ABHD14B: variants seen among roughly 807,000 people sequenced by gnomAD.
The protein encoded by ABHD14B is putative protein-lysine deacylase ABHD14B.
A neutral mutation model predicts 15.4 loss-of-function variants in ABHD14B; 19 were observed. The observed-to-expected ratio is 1.23, with a 90% confidence interval of 0.86 to 1.81. ABHD14B has a LOEUF of 1.81. ABHD14B is among the 40% of genes most tolerant of loss of function. ABHD14B has a pLI of 0.00. For synonymous variants in ABHD14B, 92 were observed against 117.3 expected, an observed-to-expected ratio of 0.78 and a Z score of 1.39; for missense variants, 243 against 267.0, an observed-to-expected ratio of 0.91 and a Z score of 0.63.
In ABHD14B at chr3:51,969,546, G is replaced by C. The variant is rs2106795834; in HGVS notation, c.513C>G (p.His171Gln). The C allele has an allele frequency of 6.2e-7, 1 of 1,613,870 alleles. No homozygotes were observed. Among genetic ancestry groups the C allele is most frequent in the East Asian group, 2.2e-5 (1 of 44,878 alleles). The change falls in exon 4 of 4, where the codon CAC becomes CAG. Residue 171 changes from histidine to glutamine, a missense_variant. Physicochemically the swap from His to Gln is conservative, Grantham distance 24. Coordinates refer to ENST00000361143, the MANE Select transcript of ABHD14B (RefSeq NM_001146314.2). ...QDPMGQTSFE[H>Q]LKQLPNHRVL... ...CCCGGTGGTTGGGCAGCTGCTTCAG[G>C]TGCTCAAAGCTGGTCTGACCCATGG...
At chr3:51,969,905 T>G in intron 3 of ABHD14B, 38 bp downstream of exon 3, 1 of 1,614,138 alleles carries the variant, frequency 6.2e-7, no homozygotes, top group Non-Finnish European at 8.5e-7. Context: ...CCTTCCTTGC[T>G]CCTGGCAGGG....
chr3:51,971,402 G>A lies in ABHD14B; in HGVS notation c.211+58C>T, dbSNP rs1700650696. On this transcript the variant is annotated intron_variant, in intron 2 of 3. Transcript: ENST00000361143. ...GAGGGGCTACATGTTATAGGAACCTGGCCCTGTCCCTAATGAGACCTCCCC... is the reference window on the plus strand; with the variant it reads ...GAGGGGCTACATGTTATAGGAACCTAGCCCTGTCCCTAATGAGACCTCCCC... 5 of 1,461,512 alleles carry A rather than the reference G, an allele frequency of 3.4e-6. No homozygotes were observed. In the South Asian group the frequency reaches 7.2e-5, roughly 21 times the overall value. 90.5% of individuals were successfully genotyped at this position (1,461,512 alleles called of 1,614,324 possible). A position where few individuals can be genotyped will look rare whatever the true frequency, so the allele number is the denominator to read the frequency against.
intron 2 of ABHD14B, 128 bp downstream of exon 2, chr3:51,971,332 C>G (rs1700648968): frequency 8.8e-7 from 1 of 1,140,944 alleles, no homozygotes; most frequent in Non-Finnish European, 1.2e-6. Context: ...AGGGCCCAGC[C>G]TGGCTGGGTC....
upstream of ABHD14B, chr3:51,974,100 C>T (rs978886316): frequency 3.2e-6 from 4 of 1,237,196 alleles, no homozygotes; most frequent in East Asian, 5.7e-5. Flanking sequence ...CCGGGGCGCC[C>T]TCTTGTGGCC....
In ABHD14B at chr3:51,969,181, T is replaced by G; in HGVS notation, c.*245A>C. ...GAACAGGAGAAGCTCATGTAATGGA[T>G]TACCCTCCACAGGATTATGTTCCTT... On this transcript the variant is annotated 3_prime_UTR_variant, in exon 4 of 4. Transcript: ENST00000361143. 2.5e-6 allele frequency: 1 copy of G among 404,472 alleles called. No individual in the cohort carries two copies. The allele number at this position is 404,472 out of a possible 1,614,324, so 25.1% of individuals were successfully genotyped here.
chr3:51,969,684 C>T, intron 3 of ABHD14B, 79 bp from the exon 4 acceptor site: 1 of 1,522,294 alleles, frequency 6.6e-7, no homozygotes, highest in East Asian at 2.3e-5. Flanking sequence ...ACTTCAGTCT[C>T]TTCCTGGGAC....
intron 1 of ABHD14B, 80 bp from the exon 2 acceptor site, chr3:51,971,778 C>G (rs1354593693): frequency 6.7e-7 from 1 of 1,487,250 alleles, no homozygotes; most frequent in South Asian, 1.3e-5. Context: ...AGCAAGGAAG[C>G]CTCCAGGAGG....
Position 51,971,606 on chromosome 3 carries a change from C to A in ABHD14B, c.65G>T (p.Arg22Leu). ...IQVQGQALFF[R>L]EALPGSGQAR... ...CTGCCCACTGCCGGGCAGGGCCTCT[C>A]GGAAGAAGAGGGCCTGGCCCTGCAC... Residue 22 changes from arginine (R) to leucine (L), a missense_variant, in exon 2 of 4, where the codon CGA (arginine) becomes CTA (leucine). Physicochemically the swap from Arg to Leu is moderately radical, Grantham distance 102. Coordinates refer to ENST00000361143, the MANE Select transcript of ABHD14B (RefSeq NM_001146314.2). The A allele has an allele frequency of 1.2e-6, 2 of 1,613,390 alleles. No homozygotes were observed. Among genetic ancestry groups the A allele is most frequent in the Non-Finnish European group, 1.7e-6 (2 of 1,179,924 alleles).
chr3:51,970,899 G>C, intron 2 of ABHD14B: 1 of 452,894 alleles, frequency 2.2e-6, no homozygotes, highest in Non-Finnish European at 4.4e-6. Flanking sequence ...GGCAGTCTGG[G>C]CACTGATCCC....
rs1224387314 is a variant in ABHD14B at position 51,974,004 on chromosome 3, G to C, written c.-68C>G. On this transcript the variant is annotated 5_prime_UTR_variant, in exon 1 of 4. Transcript: ENST00000361143. ...GGACTCGCGCAGACGGGAAGCAGGC[G>C]CGTGCTGGCGGTGACCTGGGGCCGG... 7.8e-7 allele frequency: 1 copy of C among 1,289,122 alleles called. No individual in the cohort carries two copies. Among genetic ancestry groups the C allele is most frequent in the East Asian group, 5.5e-5 (1 of 18,020 alleles). The allele number at this position is 1,289,122 out of a possible 1,614,324, so 79.9% of individuals were successfully genotyped here. A position where few individuals can be genotyped will look rare whatever the true frequency, so the allele number is the denominator to read the frequency against.
Position 51,971,516 on chromosome 3 carries a change from C to T in ABHD14B, c.155G>A (p.Gly52Asp), listed in dbSNP as rs751982719. ...AGCCTGGGCCAGCCTGTGCAGTGTA[C>T]CCAGGTTCTGCCAGGTCTCGGAGGA... The part of the protein sequence containing the change: ...RFSSETWQNL[G>D]TLHRLAQAGY... Residue 52 changes from glycine to aspartate, a missense_variant, in exon 2 of 4, where the codon GGT becomes GAT. Coordinates refer to ENST00000361143, the MANE Select transcript of ABHD14B (RefSeq NM_001146314.2). 6 of 1,612,878 alleles carry T rather than the reference C, an allele frequency of 3.7e-6. No homozygotes were observed. Among genetic ancestry groups the T allele is most frequent in the East Asian group, 2.2e-5 (1 of 44,860 alleles).
rs759152293 is a variant in ABHD14B, at chr3:51,969,939, G to A, written c.453+4C>T. Reference sequence around the variant, plus strand: ...GGGCACCTCAGCTTCCCACACAAGGGTACCTTCACACTGGCATAGTTGGCA... The same window carrying A: ...GGGCACCTCAGCTTCCCACACAAGGATACCTTCACACTGGCATAGTTGGCA... On this transcript the variant is annotated splice_donor_region_variant and intron_variant, in intron 3 of 3. Transcript: ENST00000361143. 4 of 1,614,058 alleles carry A rather than the reference G, an allele frequency of 2.5e-6. No individual in the cohort carries two copies. The highest frequency in any genetic ancestry group is 3.4e-6 in the Non-Finnish European group (4 of 1,180,030).
chr3:51,971,653 C>T lies in ABHD14B; in HGVS notation c.18G>A (p.Glu6=). 1 of 1,611,950 alleles carries T rather than the reference C, an allele frequency of 6.2e-7. No homozygotes were observed. The highest frequency in any genetic ancestry group is 8.5e-7 in the Non-Finnish European group (1 of 1,179,432). Residue 6 remains glutamate (E), a synonymous_variant, in exon 2 of 4, where the codon GAG becomes GAA. Coordinates refer to ENST00000361143, the MANE Select transcript of ABHD14B (RefSeq NM_001146314.2). MAASV[E]QREGTIQVQG... ...GCACCTGGATGGTGCCCTCGCGCTG[C>T]TCCACGCTTGCTGCCATGCCTGCTG...
In ABHD14B at chr3:51,973,838, A is replaced by C. The variant is rs1216940828; in HGVS notation, c.-29+127T>G. Reference sequence around the variant, plus strand: ...TTCTGGCTCGCTAGCTCTGGAAGGGAGCACCGGGAGGGAATGGTGGCAACT... The same window carrying C: ...TTCTGGCTCGCTAGCTCTGGAAGGGCGCACCGGGAGGGAATGGTGGCAACT... On this transcript the variant is annotated intron_variant, in intron 1 of 3. Transcript: ENST00000361143. 2.3e-6 allele frequency: 3 copies of C among 1,289,484 alleles called. No individual in the cohort carries two copies. The South Asian group carries it at 3.7e-5, about 16-fold the overall frequency. 79.9% of individuals were successfully genotyped at this position (1,289,484 alleles called of 1,614,324 possible).
chr3:51,969,379 G>A lies in ABHD14B; in HGVS notation c.*47C>T. ...GAGAGAAGAGAGAGCGTGCAAGAGA[G>A]AGCTCAGAGCAGGCAGGCAGCCCAC... is the stretch of plus-strand genomic sequence containing the variant. On this transcript the variant is annotated 3_prime_UTR_variant, in exon 4 of 4. Coordinates refer to ENST00000361143, the MANE Select transcript of ABHD14B (RefSeq NM_001146314.2). 1 of 1,557,244 alleles carries A rather than the reference G, an allele frequency of 6.4e-7. No homozygotes were observed. Among genetic ancestry groups the A allele is most frequent in the Non-Finnish European group, 8.7e-7 (1 of 1,151,086 alleles).
Position 51,971,498 on chromosome 3 carries a change from G to A in ABHD14B, c.173C>T (p.Ala58Val). The A allele has an allele frequency of 6.2e-7, 1 of 1,606,854 alleles. No individual in the cohort carries two copies. Among genetic ancestry groups the A allele is most frequent in the South Asian group, 1.1e-5 (1 of 90,722 alleles). The change falls in exon 2 of 4, where the codon GCC becomes GTC. Residue 58 changes from alanine (A) to valine (V), a missense_variant. Coordinates refer to ENST00000361143, the MANE Select transcript of ABHD14B (RefSeq NM_001146314.2). ...GGCCACAGCCCGGTAGCCAGCCTGG[G>A]CCAGCCTGTGCAGTGTACCCAGGTT... is the stretch of plus-strand genomic sequence containing the variant. ...WQNLGTLHRL[A>V]QAGYRAVAID...
chr3:51,974,302 C>T (rs763171664), upstream of ABHD14B: 51 of 340,778 alleles, frequency 1.5e-4, no homozygotes, highest in Admixed American at 2.5e-4. Context: ...TTGCTGCTGT[C>T]TTCCTGCTCC....
rs565123236 is a variant in ABHD14B at position 51,970,087 on chromosome 3, G to C, written c.309C>G (p.Gly103=). 1,186 of 1,602,820 alleles carry C rather than the reference G, an allele frequency of 7.4e-4. 5 individuals carry two copies. Among genetic ancestry groups the C allele is most frequent in the South Asian group, 7.1e-3 (635 of 89,746 alleles). ...LAAVVDALEL[G]PPVVISPSLS... ...GTGATGGACTGATCACAACCGGGGG[G>C]CCCAGCTCCAAGGCATCCACCACAG... is the stretch of plus-strand genomic sequence containing the variant. The change falls in exon 3 of 4, where the codon GGC becomes GGG. Residue 103 remains glycine, a synonymous_variant. Transcript: ENST00000361143.
intron 1 of ABHD14B, among the ~76,000 whole-genome samples, chr3:51,972,658 T>C (rs1700679210): frequency 2.0e-5 from 3 of 152,206 alleles, no homozygotes; most frequent in African/African-American, 7.2e-5. Flanking sequence ...ACAATTACTG[T>C]TCTTATTCTC....
Sources: gnomAD v4.1 joint callset for allele counts (sites outside exome capture counted in the v4.1 genomes callset) on GRCh38, gnomAD v4.1.1 for gene constraint, MANE v1.5 for transcripts, NCBI Gene and HGNC (gene_info 2026-07-23, HGNC 2026-07-21) for gene names.